The following BLTP3A variants were observed in gnomAD, a reference collection of about 807,000 sequenced individuals.
BLTP3A encodes ICBP90 binding protein 1.
At chr6:34,800,682 C>T in the BLTP3A span, among the ~76,000 whole-genome samples, 2 of 152,112 alleles carry the variant, frequency 1.3e-5, no homozygotes, top group Admixed American at 1.3e-4. Flanking sequence ...CAATCAGTAT[C>T]TATAGTAAAG....
chr6:34,829,487 C>T, the BLTP3A span, among the ~76,000 whole-genome samples: 3 of 152,264 alleles, frequency 2.0e-5, no homozygotes, highest in South Asian at 2.1e-4. Context: ...CATTTGCTTC[C>T]GGCTACTTTA....
At chr6:34,871,967 G>A in the BLTP3A span, 1 of 1,583,776 alleles carries the variant, frequency 6.3e-7, no homozygotes. Context: ...AACCCTTGGG[G>A]GCTATACTTG....
the BLTP3A span, among the ~76,000 whole-genome samples, chr6:34,799,900 A>G: frequency 6.6e-6 from 1 of 152,152 alleles, no homozygotes; most frequent in East Asian, 1.9e-4. Context: ...TTTTGGAGAT[A>G]GTACTTTTTT....
the BLTP3A span, among the ~76,000 whole-genome samples, chr6:34,794,854 G>A: frequency 7.3e-5 from 11 of 151,470 alleles, no homozygotes; most frequent in South Asian, 4.2e-4. Flanking sequence ...GCGCGATCTC[G>A]GCTCACTGCA....
At chr6:34,839,296 C>T in the BLTP3A span, among the ~76,000 whole-genome samples, 2 of 151,874 alleles carry the variant, frequency 1.3e-5, no homozygotes, top group Non-Finnish European at 2.9e-5. Context: ...CTACCATACC[C>T]GGGTGTGGTA....
At chr6:34,798,611 T>TTTTTTTTTTTTTTTTTTTTTTG in the BLTP3A span, among the ~76,000 whole-genome samples, 1 of 149,516 alleles carries the variant, frequency 6.7e-6, no homozygotes, top group East Asian at 1.9e-4. Context: ...TTTTTTTTTT[T>TTTTTTTTTTTTTTTTTTTTTTG]TTACTTTGTC....
chr6:34,825,737 G>T, the BLTP3A span, among the ~76,000 whole-genome samples: 1 of 152,146 alleles, frequency 6.6e-6, no homozygotes, highest in Non-Finnish European at 1.5e-5. Flanking sequence ...GATGAATTTT[G>T]GGGAAACATA....
the BLTP3A span, among the ~76,000 whole-genome samples, chr6:34,805,033 C>T: frequency 6.6e-6 from 1 of 152,186 alleles, no homozygotes; most frequent in South Asian, 2.1e-4. Context: ...GTGGCTCACA[C>T]CTGTAATCCT....
the BLTP3A span, among the ~76,000 whole-genome samples, chr6:34,825,269 G>A: frequency 2.6e-5 from 4 of 151,990 alleles, no homozygotes; most frequent in Admixed American, 2.6e-4. Context: ...ATACTTCCAA[G>A]GGGGTGAAAG....
the BLTP3A span, chr6:34,856,819 C>G: frequency 6.2e-7 from 1 of 1,614,148 alleles, no homozygotes; most frequent in African/African-American, 1.3e-5. Context: ...AAAGAACCCT[C>G]TTGAGAGAAG....
At chr6:34,857,242 T>C in the BLTP3A span, 1 of 1,476,956 alleles carries the variant, frequency 6.8e-7, no homozygotes, top group East Asian at 2.3e-5. Context: ...TTCAGAGGGA[T>C]GGTAGAGGCT....
chr6:34,797,186 C>G, the BLTP3A span, among the ~76,000 whole-genome samples: 1 of 152,124 alleles, frequency 6.6e-6, no homozygotes, highest in South Asian at 2.1e-4. Context: ...GCATGGATGA[C>G]AGAAACCCGG....
the BLTP3A span, chr6:34,855,466 T>C: frequency 2.5e-6 from 2 of 792,872 alleles, no homozygotes; most frequent in East Asian, 2.8e-5. Context: ...GCCTCAGCCT[T>C]GCAAATCACC....
chr6:34,864,952 C>T, the BLTP3A span, among the ~76,000 whole-genome samples: 11 of 151,892 alleles, frequency 7.2e-5, no homozygotes, highest in East Asian at 1.9e-4. Flanking sequence ...TGGGCGACAG[C>T]GAGACTCCAT....
At chr6:34,867,195 T>G in the BLTP3A span, 3 of 1,578,714 alleles carry the variant, frequency 1.9e-6, no homozygotes, top group Non-Finnish European at 2.6e-6. Flanking sequence ...ATTTTGACTT[T>G]TAAATTCATT....
chr6:34,860,795 GC>G, the BLTP3A span, among the ~76,000 whole-genome samples: 93 of 152,316 alleles, frequency 6.1e-4, no homozygotes, highest in African/African-American at 2.1e-3. Context: ...CCAATGTGCT[GC>G]CTTTTCTAAA....
the BLTP3A span, among the ~76,000 whole-genome samples, chr6:34,849,755 T>C: frequency 6.6e-6 from 1 of 152,220 alleles, no homozygotes; most frequent in Admixed American, 6.5e-5. Flanking sequence ...ATAGGACACA[T>C]CTGGTGTTGA....
At chr6:34,852,335 G>A in the BLTP3A span, among the ~76,000 whole-genome samples, 3 of 152,256 alleles carry the variant, frequency 2.0e-5, no homozygotes, top group South Asian at 6.2e-4. Flanking sequence ...CCTTTAGTCA[G>A]CAGGCGATGA....
the BLTP3A span, among the ~76,000 whole-genome samples, chr6:34,869,478 T>A: frequency 6.6e-6 from 1 of 152,148 alleles, no homozygotes. Context: ...AATGTATTTT[T>A]AGCTTTTTTC....
Sources: gnomAD v4.1 joint callset for allele counts (sites outside exome capture counted in the v4.1 genomes callset) on GRCh38, gnomAD v4.1.1 for gene constraint, MANE v1.5 for transcripts, NCBI Gene and HGNC (gene_info 2026-07-23, HGNC 2026-07-21) for gene names.